PCDH15: variants seen among roughly 807,000 people sequenced by gnomAD.
PCDH15 encodes the protein protocadherin-15.
Under a neutral mutation model 178.5 loss-of-function variants are expected in PCDH15, and 129 were observed. That is an observed-to-expected ratio of 0.72 (90% CI 0.63 to 0.84). The LOEUF is 0.84. PCDH15 is among the 40% of genes least tolerant of loss of function. The pLI is 0.00. For missense variants in PCDH15, 2,230 were observed against 2,099.9 expected (o/e 1.06, Z -1.21); for synonymous variants, 800 against 732.0 (o/e 1.09, Z -1.50).
chr10:54,690,035 G>A (rs1381344456), intron 1 of PCDH15, among the ~76,000 whole-genome samples: 1 of 152,164 alleles, frequency 6.6e-6, no homozygotes, highest in Non-Finnish European at 1.5e-5. Context: ...GTATAGTCAT[G>A]TGCCACTTAA....
chr10:54,389,434 G>C (rs1950278072), intron 3 of PCDH15, among the ~76,000 whole-genome samples: 1 of 152,198 alleles, frequency 6.6e-6, no homozygotes, highest in African/African-American at 2.4e-5. Flanking sequence ...AGTAGATATA[G>C]AGTAGGAGGG....
intron 1 of PCDH15, among the ~76,000 whole-genome samples, chr10:55,291,483 A>G (rs1843004778): frequency 6.6e-6 from 1 of 152,218 alleles, no homozygotes; most frequent in Non-Finnish European, 1.5e-5. Flanking sequence ...CTTCTGTTAT[A>G]CAATTTAAAA....
intron 1 of PCDH15, among the ~76,000 whole-genome samples, chr10:55,282,869 C>T: frequency 6.6e-6 from 1 of 152,098 alleles, no homozygotes; most frequent in East Asian, 1.9e-4. Context: ...CTGACCTAAC[C>T]AACCCCATTT....
rs186251447 is a variant in PCDH15, at chr10:55,136,208, T to C, written c.-80+30368A>G. 2.6e-5 allele frequency among the ~76,000 whole-genome samples: 4 copies of C among 152,240 alleles called. No individual in the cohort carries two copies. The East Asian group carries it at 5.8e-4, about 22-fold the overall frequency. On this transcript the variant is annotated intron_variant, in intron 2 of 5. Transcript: ENST00000458638. ...GGTAAAGATTCACCATGCTGTAAAT[T>C]TGGAAAACTCTAAGCCTACTGCTGA...
At chr10:54,297,593 T>G (rs2059882651) in intron 8 of PCDH15, among the ~76,000 whole-genome samples, 1 of 152,258 alleles carries the variant, frequency 6.6e-6, no homozygotes, top group South Asian at 2.1e-4. Flanking sequence ...AAACCTCCTC[T>G]AATCTCCCTT....
chr10:54,036,033 T>C (rs903539814), intron 18 of PCDH15, among the ~76,000 whole-genome samples: 18 of 151,800 alleles, frequency 1.2e-4, no homozygotes, highest in African/African-American at 3.9e-4. Flanking sequence ...TCTTCCTTTC[T>C]CTGGAGCTTG....
chr10:54,690,960 G>A (rs2095110652), intron 1 of PCDH15, among the ~76,000 whole-genome samples: 1 of 151,876 alleles, frequency 6.6e-6, no homozygotes, highest in South Asian at 2.1e-4. Context: ...GAGTTATGTA[G>A]CTTATGACTT....
At chr10:53,915,595 TG>T (rs1437180949) in intron 25 of PCDH15, among the ~76,000 whole-genome samples, 1 of 152,186 alleles carries the variant, frequency 6.6e-6, no homozygotes, top group Middle Eastern at 3.2e-3. Context: ...AGTCTCGCTC[TG>T]TCATCCAGGC....
Position 54,877,023 on chromosome 10 carries a change from C to G in PCDH15, c.-29+20427G>C, listed in dbSNP as rs535206773. 2.5e-4 allele frequency among the ~76,000 whole-genome samples: 38 copies of G among 152,230 alleles called. 2 individuals carry two copies. Among genetic ancestry groups the G allele is most frequent in the Admixed American group, 2.0e-3 (31 of 15,274 alleles). Reference sequence around the variant, plus strand: ...ATTTTCCCTTGAATATATGAAATTACCACAGTCACCCCAGCTTTTAGCAAC... The same window carrying G: ...ATTTTCCCTTGAATATATGAAATTAGCACAGTCACCCCAGCTTTTAGCAAC... On this transcript the variant is annotated intron_variant, in intron 3 of 5. Transcript: ENST00000458638.
intron 37 of PCDH15, chr10:53,808,529 T>C: frequency 3.5e-6 from 5 of 1,431,800 alleles, no homozygotes; most frequent in Non-Finnish European, 4.6e-6. Context: ...CAAATGGATT[T>C]GGACAACATA....
intron 1 of PCDH15, among the ~76,000 whole-genome samples, chr10:55,257,218 C>T (rs7898231): frequency 0.68 from 102,801 of 151,926 alleles, 34,901 homozygotes; most frequent in East Asian, 0.84. Context: ...ACCAAAACAC[C>T]ATCTGTATGC....
chr10:54,056,669 C>G (rs1437683118), intron 18 of PCDH15, among the ~76,000 whole-genome samples: 2 of 152,122 alleles, frequency 1.3e-5, no homozygotes, highest in African/African-American at 4.8e-5. Flanking sequence ...CATCCCATCC[C>G]CAGCCCCTCC....
chr10:55,513,875 T>G (rs1840947470), intron 2 of PCDH15, among the ~76,000 whole-genome samples: 2 of 152,054 alleles, frequency 1.3e-5, no homozygotes, highest in African/African-American at 4.8e-5. Flanking sequence ...TCTACTTCAA[T>G]TACACTTTTA....
intron 2 of PCDH15, among the ~76,000 whole-genome samples, chr10:54,552,027 T>C (rs768892589): frequency 6.6e-6 from 1 of 152,266 alleles, no homozygotes; most frequent in South Asian, 2.1e-4. Context: ...CCACATTAAT[T>C]AGAGCTTCCA....
At chr10:53,954,305 T>C (rs1244628967) in intron 23 of PCDH15, among the ~76,000 whole-genome samples, 1 of 152,240 alleles carries the variant, frequency 6.6e-6, no homozygotes, top group Non-Finnish European at 1.5e-5. Flanking sequence ...TCTATTATTT[T>C]GCTATTTTAC....
chr10:54,816,823 C>T (rs1454837769), intron 3 of PCDH15, among the ~76,000 whole-genome samples: 1 of 151,964 alleles, frequency 6.6e-6, no homozygotes, highest in African/African-American at 2.4e-5. Flanking sequence ...AATGATGTCC[C>T]TACCCAAGTC....
At chr10:53,982,516 T>C (rs1391813565) in intron 21 of PCDH15, among the ~76,000 whole-genome samples, 1 of 152,020 alleles carries the variant, frequency 6.6e-6, no homozygotes, top group Non-Finnish European at 1.5e-5. Context: ...TCATGTCCTT[T>C]GTAGGGACAT....
chr10:54,043,803 C>T (rs1329315396), intron 18 of PCDH15, among the ~76,000 whole-genome samples: 2 of 152,068 alleles, frequency 1.3e-5, no homozygotes, highest in African/African-American at 2.4e-5. Context: ...TTCAAAAAAA[C>T]ATACTGATTC....
intron 2 of PCDH15, among the ~76,000 whole-genome samples, chr10:55,054,557 T>A (rs1022190941): frequency 1.3e-5 from 2 of 152,242 alleles, no homozygotes; most frequent in Non-Finnish European, 2.9e-5. Flanking sequence ...ATGGGATTAC[T>A]GGGTCAAATA....
Sources: allele counts gnomAD v4.1 joint callset (sites outside exome capture counted in the v4.1 genomes callset), GRCh38; gene constraint gnomAD v4.1.1; transcripts MANE v1.5; gene names NCBI Gene and HGNC (gene_info 2026-07-23, HGNC 2026-07-21).